PDE10A: variants seen among roughly 807,000 people sequenced by gnomAD.
PDE10A encodes cAMP and cAMP-inhibited cGMP 3',5'-cyclic phosphodiesterase 10A.
In PDE10A, 39 loss-of-function variants were observed where a neutral mutation model predicts 97.7. The observed-to-expected ratio is 0.40, with a 90% CI of 0.31 to 0.52. The LOEUF (loss-of-function observed/expected upper bound fraction) is 0.52. Ranked by LOEUF, PDE10A falls within the 20% of genes least tolerant of loss-of-function variation. PDE10A has a pLI of 0.56. For missense variants in PDE10A, 731 were observed against 1,047.8 expected (o/e 0.70, Z 4.17); for synonymous variants, 371 against 376.8 (o/e 0.98, Z 0.18).
chr6:165,499,474 T>C (rs369969527), intron 2 of PDE10A, among the ~76,000 whole-genome samples: 5 of 152,204 alleles, frequency 3.3e-5, no homozygotes, highest in East Asian at 1.9e-4. Context: ...TGTTCAGCAA[T>C]GCGGCTCTTG....
intron 5 of PDE10A, among the ~76,000 whole-genome samples, chr6:165,444,721 C>A (rs932778107): frequency 3.3e-5 from 5 of 151,710 alleles, no homozygotes; most frequent in African/African-American, 1.2e-4. Flanking sequence ...GTGAAAAAAA[C>A]ACATAGAACT....
intron 3 of PDE10A, among the ~76,000 whole-genome samples, chr6:165,464,274 A>G (rs1419345144): frequency 6.6e-6 from 1 of 152,232 alleles, no homozygotes; most frequent in Non-Finnish European, 1.5e-5. Flanking sequence ...ACATATACAT[A>G]TATTAGGAGA....
intron 3 of PDE10A, among the ~76,000 whole-genome samples, chr6:165,464,390 G>A (rs1172608932): frequency 1.3e-5 from 2 of 152,066 alleles, no homozygotes; most frequent in African/African-American, 4.8e-5. Context: ...CACCCAACAT[G>A]TGAAATCTGG....
At chr6:165,692,868 G>T (rs767737908) in intron 1 of PDE10A, among the ~76,000 whole-genome samples, 1 of 152,108 alleles carries the variant, frequency 6.6e-6, no homozygotes, top group Non-Finnish European at 1.5e-5. Context: ...CAGGAGAAGC[G>T]GAATACTGCA....
intron 12 of PDE10A, among the ~76,000 whole-genome samples, chr6:165,414,616 A>C (rs1055631304): frequency 2.8e-4 from 43 of 152,348 alleles, no homozygotes; most frequent in African/African-American, 9.9e-4. Flanking sequence ...ATTATAAATA[A>C]TTCTGCTTTG....
intron 2 of PDE10A, among the ~76,000 whole-genome samples, chr6:165,529,056 T>C (rs1159058368): frequency 6.6e-6 from 1 of 152,136 alleles, no homozygotes; most frequent in Non-Finnish European, 1.5e-5. Flanking sequence ...TACATTCTGC[T>C]CTCCTAGAGG....
chr6:165,773,392 G>C (rs1304635371), intron 1 of PDE10A: 4 of 152,128 alleles, frequency 2.6e-5, no homozygotes, highest in African/African-American at 9.7e-5. Flanking sequence ...TGCTATACAG[G>C]CTATATTTGA....
chr6:165,717,685 T>C (rs1017617338), intron 1 of PDE10A, among the ~76,000 whole-genome samples: 7 of 152,258 alleles, frequency 4.6e-5, no homozygotes, highest in South Asian at 2.1e-4. Flanking sequence ...TAATTCTATG[T>C]TTAATCTCTT....
intron 1 of PDE10A, among the ~76,000 whole-genome samples, chr6:165,787,791 C>T (rs910790630): frequency 3.9e-5 from 6 of 152,122 alleles, no homozygotes; most frequent in African/African-American, 1.2e-4. Context: ...TAATAGTTTA[C>T]CATCCACTCC....
At chr6:165,764,846 T>C (rs1043015562) in intron 1 of PDE10A, among the ~76,000 whole-genome samples, 1 of 152,162 alleles carries the variant, frequency 6.6e-6, no homozygotes, top group Non-Finnish European at 1.5e-5. Flanking sequence ...CACTGCTGGC[T>C]CGGGCAGCCT....
rs147975310 is a variant in PDE10A at position 165,494,455 on chromosome 6, T to TGGG, written c.995-12115_995-12113dup. Among the ~76,000 whole-genome samples the TGGG allele has an allele frequency of 1.5e-5, 2 of 134,010 alleles. 1 individual carries two copies. Among genetic ancestry groups the TGGG allele is most frequent in the East Asian group, 4.7e-4 (2 of 4,224 alleles). 87.9% of individuals were successfully genotyped at this position (134,010 alleles called of 152,430 possible). A position where few individuals can be genotyped will look rare whatever the true frequency, so the allele number is the denominator to read the frequency against. On this transcript the variant is annotated intron_variant, in intron 2 of 21. Coordinates refer to ENST00000539869, the MANE Select transcript of PDE10A (RefSeq NM_001385079.1). ...AATGAATGAGTGGATAAAGAAAATG[T>TGGG]GGGGGGGGGTGTGTGTGTGTGTAAT...
At chr6:165,454,153 AT>A (rs1457049708) in intron 3 of PDE10A, among the ~76,000 whole-genome samples, 4 of 152,190 alleles carry the variant, frequency 2.6e-5, no homozygotes, top group African/African-American at 9.7e-5. Flanking sequence ...GGGAATATCA[AT>A]CCTATGCCTC....
intron 13 of PDE10A, among the ~76,000 whole-genome samples, chr6:165,403,819 G>A (rs374031226): frequency 1.2e-4 from 19 of 152,060 alleles, no homozygotes; most frequent in East Asian, 9.7e-4. Flanking sequence ...TGAGTCAGAC[G>A]TGTGATATTT....
At chr6:165,623,021 G>A (rs773105405) in intron 1 of PDE10A, among the ~76,000 whole-genome samples, 8 of 152,188 alleles carry the variant, frequency 5.3e-5, no homozygotes, top group Non-Finnish European at 1.2e-4. Flanking sequence ...CTTCTGCCAT[G>A]AGTGTAAACT....
Position 165,606,169 on chromosome 6 carries a change from A to C in PDE10A, c.865+55778T>G, listed in dbSNP as rs863792. On this transcript the variant is annotated intron_variant, in intron 1 of 21. Transcript: ENST00000539869. ...CGAACAAGCGAAAAAAAAAAAAAAA[A>C]CAGAAATAAAGCACCAGGCACACAG... Among the ~76,000 whole-genome samples the C allele has an allele frequency of 2.0e-5, 3 of 149,720 alleles. No individual in the cohort carries two copies. In the South Asian group the frequency reaches 6.3e-4, roughly 32 times the overall value.
intron 2 of PDE10A, among the ~76,000 whole-genome samples, chr6:165,541,310 A>G (rs1783423829): frequency 6.6e-6 from 1 of 152,088 alleles, no homozygotes; most frequent in African/African-American, 2.4e-5. Flanking sequence ...ACATCTCCTT[A>G]TAAGAAAAAA....
At chr6:165,973,481 G>GT (rs1196547922) in intron 1 of PDE10A, among the ~76,000 whole-genome samples, 2 of 152,020 alleles carry the variant, frequency 1.3e-5, no homozygotes, top group African/African-American at 4.8e-5. Context: ...CATATGTTTT[G>GT]TGAGTGAAAG....
rs917706677 is a variant in PDE10A, at chr6:165,662,680, C to G, written c.132G>C (p.Ala44=). ...ACTCGGGGGCCGGGCCCGGGCCCGC[C>G]GCGCTCCCCCCGCCGGCCGCGCTGA... ...PRLSAAGGGS[A]AGPGPAPEWP... The change falls in exon 1 of 22, where the codon GCG becomes GCC. Residue 44 remains alanine (A), a synonymous_variant. Transcript: ENST00000539869. 1 of 144,486 alleles carries G rather than the reference C, an allele frequency of 6.9e-6. No individual in the cohort carries two copies. The highest frequency in any genetic ancestry group is 1.5e-5 in the Non-Finnish European group (1 of 65,108). 9.0% of individuals were successfully genotyped at this position (144,486 alleles called of 1,614,324 possible). A position where few individuals can be genotyped will look rare whatever the true frequency, so the allele number is the denominator to read the frequency against.
chr6:165,706,524 A>G (rs1047553286), intron 1 of PDE10A, among the ~76,000 whole-genome samples: 3 of 152,256 alleles, frequency 2.0e-5, no homozygotes, highest in African/African-American at 7.2e-5. Context: ...AACCAAAGTC[A>G]GTCACTGTCC....
Sources: allele counts gnomAD v4.1 joint callset (sites outside exome capture counted in the v4.1 genomes callset), GRCh38; gene constraint gnomAD v4.1.1; transcripts MANE v1.5; gene names NCBI Gene and HGNC (gene_info 2026-07-23, HGNC 2026-07-21).